Variants in YIPF6 observed in about 807,000 individuals in gnomAD.
The protein encoded by YIPF6 is Yip1 domain family member 6, also known as protein YIPF6.
In YIPF6, 3 loss-of-function variants were observed where a neutral mutation model predicts 16.8. The ratio of observed to expected loss-of-function variants is 0.18; its 90% CI spans 0.08 to 0.46. The LOEUF (loss-of-function observed/expected upper bound fraction) is 0.46, where lower values mean the gene tolerates loss of function less well. Ranked by LOEUF, YIPF6 falls within the 20% of genes least tolerant of loss-of-function variation. The probability of loss-of-function intolerance (pLI) is 0.98; values close to 1 mark genes in which losing one functional copy is unlikely to be tolerated. For synonymous variants in YIPF6, 67 were observed against 61.9 expected, an observed-to-expected ratio of 1.08 and a Z score of -0.38; for missense variants, 145 against 184.9, an observed-to-expected ratio of 0.78 and a Z score of 1.25.
chrX:68,502,911 C>T (rs1268939532), intron 1 of YIPF6, among the ~76,000 whole-genome samples: 1 of 109,489 alleles, frequency 9.1e-6, no homozygotes, highest in Admixed American at 9.8e-5. Flanking sequence ...TCACTGCAAC[C>T]TCTGCCTCCC....
intron 6 of YIPF6, among the ~76,000 whole-genome samples, chrX:68,528,382 C>T (rs1401400388): frequency 1.8e-5 from 2 of 111,430 alleles, no homozygotes; most frequent in East Asian, 2.8e-4. Flanking sequence ...TGTCTTTGCA[C>T]GTGATATGGG....
chrX:68,511,839 C>A lies in YIPF6; in HGVS notation c.58-10C>A. The A allele has an allele frequency of 8.4e-7, 1 of 1,192,951 alleles. No individual in the cohort carries two copies. The highest frequency in any genetic ancestry group is 1.1e-6 in the Non-Finnish European group (1 of 888,913). ...TACAGGCTTACTTTTTTTCCCCTGA[C>A]TCTTCTCAGTTTGCAGGCCTTTCAG... is the stretch of plus-strand genomic sequence containing the variant. On this transcript the variant is annotated splice_polypyrimidine_tract_variant and intron_variant, in intron 1 of 6. Transcript: ENST00000462683.
intron 1 of YIPF6, among the ~76,000 whole-genome samples, chrX:68,502,319 C>T (rs937372760): frequency 4.5e-5 from 5 of 111,535 alleles, no homozygotes; most frequent in African/African-American, 9.8e-5. Context: ...GGGTTTGTAG[C>T]GTGTGAAGGA....
At chrX:68,507,161 C>T (rs928101753) in intron 1 of YIPF6, among the ~76,000 whole-genome samples, 4 of 111,974 alleles carry the variant, frequency 3.6e-5, no homozygotes, top group Non-Finnish European at 7.5e-5. Flanking sequence ...GCAGTTGCAA[C>T]AGAAACCATA....
chrX:68,527,399 G>A (rs2079153141), intron 6 of YIPF6, among the ~76,000 whole-genome samples: 1 of 110,589 alleles, frequency 9.0e-6, no homozygotes, highest in Non-Finnish European at 1.9e-5. Context: ...GGTCTATTTT[G>A]TTAATCTTTC....
At position 68,521,588 on chromosome X, in the gene YIPF6, T is replaced by G. The variant is rs2147824133; in HGVS notation, c.434+91T>G. ...ACAGGCTAGCTAGATTTTTTTTTTT[T>G]TTTGAGACAGGGTGTCACTCTGTCA... On this transcript the variant is annotated intron_variant, in intron 5 of 6. Coordinates refer to ENST00000462683, the MANE Select transcript of YIPF6 (RefSeq NM_173834.4). The G allele has an allele frequency of 7.9e-6, 8 of 1,009,544 alleles. No homozygotes were observed. In the South Asian group the frequency reaches 1.9e-4, roughly 24 times the overall value. 83.2% of individuals were successfully genotyped at this position (1,009,544 alleles called of 1,213,427 possible).
chrX:68,508,487 G>C (rs2079068245), intron 1 of YIPF6, among the ~76,000 whole-genome samples: 1 of 111,521 alleles, frequency 9.0e-6, no homozygotes, highest in South Asian at 3.7e-4. Context: ...TTTTCCCATA[G>C]TTCCTAGATA....
At chrX:68,505,185 G>A (rs184607106) in intron 1 of YIPF6, among the ~76,000 whole-genome samples, 1 of 111,623 alleles carries the variant, frequency 9.0e-6, no homozygotes, top group Non-Finnish European at 1.9e-5. Flanking sequence ...CAAGGCGGGC[G>A]GATCACTTGA....
intron 3 of YIPF6, among the ~76,000 whole-genome samples, chrX:68,517,220 T>C (rs945239179): frequency 9.0e-6 from 1 of 111,704 alleles, no homozygotes; most frequent in African/African-American, 3.3e-5. Context: ...CAATCTTGGC[T>C]CACTGCAACC....
At chrX:68,527,579 A>G (rs2147826668) in intron 6 of YIPF6, among the ~76,000 whole-genome samples, 1 of 111,579 alleles carries the variant, frequency 9.0e-6, no homozygotes, top group South Asian at 3.8e-4. Context: ...TCAGTTTTAG[A>G]TCTTTCCCGC....
intron 2 of YIPF6, 51 bp downstream of exon 2, chrX:68,512,028 A>G (rs1179327179): frequency 9.0e-7 from 1 of 1,107,013 alleles, no homozygotes; most frequent in Non-Finnish European, 1.2e-6. Flanking sequence ...GGGACTAAGT[A>G]ACTAATAGTA....
intron 3 of YIPF6, among the ~76,000 whole-genome samples, chrX:68,516,460 A>G (rs1448117174): frequency 1.8e-5 from 2 of 111,470 alleles, no homozygotes; most frequent in African/African-American, 6.5e-5. Flanking sequence ...GACCACTATC[A>G]TTGACCGAAA....
intron 3 of YIPF6, among the ~76,000 whole-genome samples, chrX:68,518,035 G>A (rs768165682): frequency 3.0e-4 from 33 of 110,033 alleles, no homozygotes; most frequent in Admixed American, 1.7e-3. Flanking sequence ...AGCACTTTGG[G>A]AGGCCAAGGT....
At chrX:68,522,737 T>C in intron 5 of YIPF6, 23 bp from the exon 6 acceptor site, 2 of 1,183,757 alleles carry the variant, frequency 1.7e-6, no homozygotes, top group Non-Finnish European at 2.3e-6. Flanking sequence ...TTATGATCTT[T>C]ATTAATGTAT....
chrX:68,506,732 T>A (rs962016928), intron 1 of YIPF6, among the ~76,000 whole-genome samples: 1 of 110,299 alleles, frequency 9.1e-6, no homozygotes, highest in African/African-American at 3.3e-5. Flanking sequence ...AAATAAGAAA[T>A]TTTTTTTTGA....
intron 1 of YIPF6, among the ~76,000 whole-genome samples, chrX:68,510,505 G>C (rs1385718330): frequency 1.8e-5 from 2 of 109,382 alleles, no homozygotes; most frequent in Non-Finnish European, 3.8e-5. Context: ...TCTATGGCAT[G>C]TTTCTTATAT....
At chrX:68,521,659 T>A (rs1165374061) in intron 5 of YIPF6, among the ~76,000 whole-genome samples, 162 bp downstream of exon 5, 4 of 108,912 alleles carry the variant, frequency 3.7e-5, no homozygotes, top group African/African-American at 1.3e-4. Context: ...CTGCAGCCTC[T>A]ATCTCCCAGG....
intron 6 of YIPF6, among the ~76,000 whole-genome samples, chrX:68,528,519 T>G (rs941239851): frequency 8.0e-5 from 9 of 111,920 alleles, no homozygotes; most frequent in African/African-American, 2.9e-4. Flanking sequence ...TTTGATACTG[T>G]CATTATGATG....
chrX:68,529,347 A>G (rs2079162093), intron 6 of YIPF6, among the ~76,000 whole-genome samples: 1 of 110,059 alleles, frequency 9.1e-6, no homozygotes, highest in Non-Finnish European at 1.9e-5. Context: ...TATGTTCTCT[A>G]AACTGGTTAT....
Sources: allele counts gnomAD v4.1 joint callset (sites outside exome capture counted in the v4.1 genomes callset), GRCh38; gene constraint gnomAD v4.1.1; transcripts MANE v1.5; gene names NCBI Gene and HGNC (gene_info 2026-07-23, HGNC 2026-07-21).